Variants in KIAA1958 observed in about 807,000 individuals in gnomAD.
KIAA1958 encodes the protein uncharacterized protein KIAA1958.
KIAA1958 carries 14 observed loss-of-function variants against 47.2 expected under a neutral mutation model. The observed-to-expected ratio is 0.30, with a 90% CI of 0.20 to 0.46. The LOEUF is 0.46. Ranked by LOEUF, KIAA1958 falls within the 20% of genes least tolerant of loss-of-function variation. The probability of loss-of-function intolerance (pLI) is 1.00; values close to 1 mark genes in which losing one functional copy is unlikely to be tolerated. For synonymous variants in KIAA1958, 354 were observed against 353.3 expected (o/e 1.00, Z -0.02); for missense variants, 803 against 909.2 (o/e 0.88, Z 1.50).
At chr9:112,524,242 C>A (rs988016543) in intron 1 of KIAA1958, among the ~76,000 whole-genome samples, 2 of 152,188 alleles carry the variant, frequency 1.3e-5, no homozygotes, top group East Asian at 3.8e-4. Context: ...AAGGCCCAAC[C>A]AAGGACATGT....
At chr9:112,613,386 A>G (rs1304466364) in intron 2 of KIAA1958, among the ~76,000 whole-genome samples, 1 of 152,220 alleles carries the variant, frequency 6.6e-6, no homozygotes, top group Non-Finnish European at 1.5e-5. Context: ...GAAACAGTAA[A>G]GCTTTTGGAA....
rs576871422 is a variant in KIAA1958 at position 112,571,519 on chromosome 9, A to C, written c.-24-2538A>C. On this transcript the variant is annotated intron_variant, in intron 1 of 3. Coordinates refer to ENST00000337530, the MANE Select transcript of KIAA1958 (RefSeq NM_133465.4). Reference sequence around the variant, plus strand: ...CATAGGGCCACCCTTGCTCCAGGGGAAGCTGGGAAAAATATTTTAGTGAGC... The same window carrying C: ...CATAGGGCCACCCTTGCTCCAGGGGCAGCTGGGAAAAATATTTTAGTGAGC... 1.3e-5 allele frequency among the ~76,000 whole-genome samples: 2 copies of C among 152,196 alleles called. 1 individual carries two copies. The highest frequency in any genetic ancestry group is 4.1e-4 in the South Asian group (2 of 4,822).
intron 1 of KIAA1958, among the ~76,000 whole-genome samples, chr9:112,558,700 A>G (rs1835282283): frequency 6.6e-6 from 1 of 152,192 alleles, no homozygotes; most frequent in Non-Finnish European, 1.5e-5. Context: ...CATCTGGAAC[A>G]ATTATACCAC....
At chr9:112,542,282 T>A (rs1197679108) in intron 1 of KIAA1958, among the ~76,000 whole-genome samples, 3 of 152,178 alleles carry the variant, frequency 2.0e-5, no homozygotes, top group Non-Finnish European at 4.4e-5. Flanking sequence ...AGAACATAGC[T>A]CATGAATATG....
intron 1 of KIAA1958, among the ~76,000 whole-genome samples, chr9:112,553,491 C>G (rs1835191864): frequency 6.6e-6 from 1 of 152,060 alleles, no homozygotes. Flanking sequence ...TATTTACTAG[C>G]TTTTTGACAT....
chr9:112,659,685 C>T lies in KIAA1958; in HGVS notation c.1767C>T (p.Pro589=), dbSNP rs754481590. The T allele has an allele frequency of 6.2e-7, 1 of 1,614,174 alleles. No homozygotes were observed. Among genetic ancestry groups the T allele is most frequent in the Admixed American group, 1.7e-5 (1 of 60,022 alleles). The change falls in exon 4 of 4, where the codon CCC becomes CCT. Residue 589 remains proline, a synonymous_variant. Transcript: ENST00000337530. The part of the protein sequence containing the change: ...MYGDIELLKD[P]QNQPYFARTD... ...GTGACATCGAGCTGCTCAAAGACCC[C>T]CAAAACCAGCCCTACTTTGCCCGGA...
At chr9:112,629,259 T>G (rs1339135007) in intron 2 of KIAA1958, among the ~76,000 whole-genome samples, 1 of 152,194 alleles carries the variant, frequency 6.6e-6, no homozygotes, top group East Asian at 1.9e-4. Context: ...AACTCTGCTA[T>G]TTTAAAAACT....
At chr9:112,641,190 G>A (rs932429825) in intron 2 of KIAA1958, among the ~76,000 whole-genome samples, 1 of 152,088 alleles carries the variant, frequency 6.6e-6, no homozygotes, top group African/African-American at 2.4e-5. Context: ...TTTAAAGATA[G>A]GGTGGGTGCT....
intron 1 of KIAA1958, among the ~76,000 whole-genome samples, chr9:112,525,904 C>T (rs1246958119): frequency 6.9e-6 from 1 of 144,862 alleles, no homozygotes; most frequent in Admixed American, 7.0e-5. Context: ...AGTTGGAAAG[C>T]TTCATTTATA....
rs772678614 is a variant in KIAA1958 at position 112,645,799 on chromosome 9, A to G, written c.1321A>G (p.Lys441Glu). The change falls in exon 3 of 4, where the codon AAA (lysine) becomes GAA (glutamate). Residue 441 changes from lysine to glutamate, a missense_variant. By Grantham distance (56) the Lys-to-Glu change is moderately conservative. Transcript: ENST00000337530. ...WRYWCMTNGL[K>E]DHTDITKIPA... ...TTATTGGTGCATGACCAACGGGCTCAAAGACCACACAGACATCACCAAGGT... is the reference window on the plus strand; with the variant it reads ...TTATTGGTGCATGACCAACGGGCTCGAAGACCACACAGACATCACCAAGGT... 6.2e-6 allele frequency: 10 copies of G among 1,613,484 alleles called. No individual in the cohort carries two copies. Among genetic ancestry groups the G allele is most frequent in the Non-Finnish European group, 8.5e-6 (10 of 1,179,842 alleles).
intron 2 of KIAA1958, among the ~76,000 whole-genome samples, chr9:112,576,372 A>G (rs1024664188): frequency 4.6e-5 from 7 of 152,170 alleles, no homozygotes; most frequent in African/African-American, 1.2e-4. Context: ...TACAGTTCAC[A>G]TATAAAATTC....
chr9:112,522,855 C>T (rs1834573346), intron 1 of KIAA1958, among the ~76,000 whole-genome samples: 1 of 152,172 alleles, frequency 6.6e-6, no homozygotes, highest in South Asian at 2.1e-4. Context: ...AGAGCAGGTG[C>T]TCATTCCCAT....
At chr9:112,575,859 A>G (rs1346002685) in intron 2 of KIAA1958, among the ~76,000 whole-genome samples, 2 of 152,222 alleles carry the variant, frequency 1.3e-5, no homozygotes, top group East Asian at 3.8e-4. Flanking sequence ...GAGGAGAATG[A>G]AATAATTGTA....
intron 3 of KIAA1958, among the ~76,000 whole-genome samples, chr9:112,659,019 CAAAAAAAAAAAAA>C (rs560013892): frequency 1.9e-4 from 11 of 57,764 alleles, no homozygotes; most frequent in Non-Finnish European, 3.4e-4. Context: ...GACTCTGACT[CAAAAAAAAAAAAA>C]AAAAAAAAAA....
intron 2 of KIAA1958, among the ~76,000 whole-genome samples, chr9:112,643,668 G>A (rs1005102473): frequency 6.6e-6 from 1 of 152,042 alleles, no homozygotes. Flanking sequence ...TTCTGGGCAG[G>A]ATCAAGATTG....
At chr9:112,599,980 C>A (rs1393179378) in intron 2 of KIAA1958, among the ~76,000 whole-genome samples, 2 of 152,140 alleles carry the variant, frequency 1.3e-5, no homozygotes, top group African/African-American at 4.8e-5. Flanking sequence ...TGATTTATTA[C>A]ATTAATTACA....
intron 2 of KIAA1958, among the ~76,000 whole-genome samples, chr9:112,635,265 T>TGTGTGTGTGTGTGTG (rs1836786635): frequency 7.5e-6 from 1 of 132,828 alleles, no homozygotes; most frequent in African/African-American, 2.7e-5. Context: ...TGTGTGTGTG[T>TGTGTGTGTGTGTGTG]TTTGAGACAG....
intron 2 of KIAA1958, among the ~76,000 whole-genome samples, chr9:112,627,400 T>C (rs2131225873): frequency 6.6e-6 from 1 of 152,352 alleles, no homozygotes; most frequent in Admixed American, 6.5e-5. Flanking sequence ...AGCAGAGGAC[T>C]ATGAGGTGCA....
At chr9:112,507,374 A>C (rs1834250393) in intron 1 of KIAA1958, among the ~76,000 whole-genome samples, 1 of 152,210 alleles carries the variant, frequency 6.6e-6, no homozygotes, top group African/African-American at 2.4e-5. Context: ...TTTAAGAGAC[A>C]AGTTTTCAGT....
Sources: allele counts gnomAD v4.1 joint callset (sites outside exome capture counted in the v4.1 genomes callset), GRCh38; gene constraint gnomAD v4.1.1; transcripts MANE v1.5; gene names NCBI Gene and HGNC (gene_info 2026-07-23, HGNC 2026-07-21).